Variants in KIRREL1 observed in about 807,000 individuals in gnomAD.
KIRREL1 encodes kin of IRRE-like protein 1.
In KIRREL1, 25 loss-of-function variants were observed where a neutral mutation model predicts 83.3. The observed-to-expected ratio is 0.30, with a 90% CI of 0.22 to 0.42. The LOEUF (loss-of-function observed/expected upper bound fraction) is 0.42, where lower values mean the gene tolerates loss of function less well. KIRREL1 is among the 10% of genes least tolerant of loss of function. The pLI is 1.00. For missense variants in KIRREL1, 812 were observed against 1,032.3 expected (o/e 0.79, Z 2.92); for synonymous variants, 388 against 410.4 (o/e 0.95, Z 0.66).
chr1:158,077,472 G>T (rs1661712061), intron 2 of KIRREL1, among the ~76,000 whole-genome samples: 1 of 152,172 alleles, frequency 6.6e-6, no homozygotes, highest in African/African-American at 2.4e-5. Context: ...CACTGCTTCT[G>T]CAGGAAACCA....
chr1:158,086,782 G>T, intron 5 of KIRREL1, 36 bp downstream of exon 5: 1 of 1,476,436 alleles, frequency 6.8e-7, no homozygotes. Flanking sequence ...GGAGCAGGGG[G>T]GTGGAAGAAG....
chr1:158,076,203 C>T lies in KIRREL1; in HGVS notation c.143C>T (p.Ser48Phe). ...AVLPCVLLNY[S>F]GIVQWTKDGL... ...CTCCCCTGTGTGCTGCTCAACTACT[C>T]TGGAATTGTGCAATGGACCAAGGAC... Residue 48 changes from serine to phenylalanine, a missense_variant, in exon 2 of 15, where the codon TCT becomes TTT. Physicochemically the swap from Ser to Phe is radical, Grantham distance 155 (BLOSUM62 -2). This residue lies in a region of KIRREL1 where 472 missense variants were observed against 626.8 expected (regional missense o/e 0.75). Transcript: ENST00000359209. 6.2e-7 allele frequency: 1 copy of T among 1,614,128 alleles called. No homozygotes were observed. The highest frequency in any genetic ancestry group is 2.2e-5 in the East Asian group (1 of 44,868).
chr1:158,055,692 G>A (rs146411644), intron 1 of KIRREL1, among the ~76,000 whole-genome samples: 38 of 152,306 alleles, frequency 2.5e-4, no homozygotes, highest in African/African-American at 7.2e-4. Context: ...CCCTCCCTGC[G>A]TCTCCTTCCG....
intron 1 of KIRREL1, among the ~76,000 whole-genome samples, chr1:157,997,177 C>CA (rs1659229331): frequency 6.6e-6 from 1 of 152,214 alleles, no homozygotes; most frequent in South Asian, 2.1e-4. Context: ...GATTAAATCA[C>CA]AGACTCGCAT....
At chr1:158,012,755 G>A (rs1368652743) in intron 1 of KIRREL1, among the ~76,000 whole-genome samples, 2 of 152,236 alleles carry the variant, frequency 1.3e-5, no homozygotes, top group African/African-American at 4.8e-5. Flanking sequence ...CTTTGTCTCA[G>A]CCTCCCATTA....
chr1:158,037,689 C>A (rs1301681473), intron 1 of KIRREL1, among the ~76,000 whole-genome samples: 1 of 152,150 alleles, frequency 6.6e-6, no homozygotes. Context: ...TAGCTCCCTC[C>A]TCCAGCAAGC....
intron 12 of KIRREL1, 69 bp downstream of exon 12, chr1:158,093,515 G>A: frequency 6.2e-7 from 1 of 1,601,590 alleles, no homozygotes; most frequent in South Asian, 1.1e-5. Context: ...GGCAGTGCTT[G>A]GGGTGGATGG....
chr1:158,090,970 A>G (rs1662179927), intron 10 of KIRREL1, among the ~76,000 whole-genome samples: 1 of 152,198 alleles, frequency 6.6e-6, no homozygotes, highest in African/African-American at 2.4e-5. Flanking sequence ...TTTCTACAAC[A>G]TCTGGGAGGA....
At chr1:158,074,968 G>A (rs1457570450) in intron 1 of KIRREL1, among the ~76,000 whole-genome samples, 2 of 152,148 alleles carry the variant, frequency 1.3e-5, no homozygotes, top group Non-Finnish European at 2.9e-5. Context: ...GGGGAGAGCC[G>A]ATTTCAGTTA....
intron 1 of KIRREL1, among the ~76,000 whole-genome samples, chr1:158,001,590 G>A (rs1659362226): frequency 6.6e-6 from 1 of 152,150 alleles, no homozygotes; most frequent in South Asian, 2.1e-4. Context: ...CTTTGCTGTG[G>A]GCTGAAGTGA....
At chr1:158,049,979 T>C (rs758702166) in intron 1 of KIRREL1, among the ~76,000 whole-genome samples, 9 of 152,102 alleles carry the variant, frequency 5.9e-5, no homozygotes, top group Non-Finnish European at 1.2e-4. Context: ...ACTGAGCTGG[T>C]CTTCAAGTGA....
At chr1:157,996,316 C>G (rs1427055139) in intron 1 of KIRREL1, among the ~76,000 whole-genome samples, 1 of 151,988 alleles carries the variant, frequency 6.6e-6, no homozygotes, top group Non-Finnish European at 1.5e-5. Flanking sequence ...CTGATTGCGC[C>G]GAAAATTGAA....
intron 1 of KIRREL1, among the ~76,000 whole-genome samples, chr1:158,012,632 G>C (rs1659719167): frequency 6.6e-6 from 1 of 152,172 alleles, no homozygotes; most frequent in Admixed American, 6.5e-5. Context: ...GTGTGACCTT[G>C]TGCAAGTCTG....
intron 1 of KIRREL1, among the ~76,000 whole-genome samples, chr1:158,060,793 G>A (rs1661195760): frequency 6.6e-6 from 1 of 152,134 alleles, no homozygotes; most frequent in Non-Finnish European, 1.5e-5. Flanking sequence ...CTTGAAGCAG[G>A]GAAGTGTCCT....
intron 3 of KIRREL1, among the ~76,000 whole-genome samples, chr1:158,081,829 C>G (rs1661868116): frequency 6.6e-6 from 1 of 152,104 alleles, no homozygotes; most frequent in South Asian, 2.1e-4. Flanking sequence ...TTTGCATGAA[C>G]AAAGGGGCAG....
chr1:158,029,366 T>TGTGTGTGTGTGTGTGTGCGCGC (rs1553238087), intron 1 of KIRREL1, among the ~76,000 whole-genome samples: 3 of 148,928 alleles, frequency 2.0e-5, no homozygotes, highest in African/African-American at 7.5e-5. Flanking sequence ...TGTGTGTGTG[T>TGTGTGTGTGTGTGTGTGCGCGC]GCACGTGCGC....
chr1:158,000,064 G>A (rs939239196), intron 1 of KIRREL1, among the ~76,000 whole-genome samples: 1 of 111,140 alleles, frequency 9.0e-6, no homozygotes, highest in African/African-American at 2.7e-5. Context: ...CAGGAAAGAT[G>A]GGGTGGGGGC....
At position 158,096,268 on chromosome 1, in the gene KIRREL1, G is replaced by A. The variant is rs1662353001; in HGVS notation, c.*1148G>A. On this transcript the variant is annotated 3_prime_UTR_variant, in exon 15 of 15. Transcript: ENST00000359209. ...ACACAGTGGACTCTGATAGGGTTAC[G>A]GAGGGGGCCTGGCTCTCAGTCTCTA... 5 of 293,548 alleles carry A rather than the reference G, an allele frequency of 1.7e-5. No homozygotes were observed. Among genetic ancestry groups the A allele is most frequent in the Non-Finnish European group, 3.3e-5 (5 of 150,664 alleles). The allele number at this position is 293,548 out of a possible 1,614,324, so 18.2% of individuals were successfully genotyped here.
intron 1 of KIRREL1, among the ~76,000 whole-genome samples, chr1:158,059,555 G>A (rs186683704): frequency 2.6e-5 from 4 of 152,244 alleles, no homozygotes; most frequent in Non-Finnish European, 5.9e-5. Flanking sequence ...TCTCTCCAGA[G>A]GTGGGGGCAG....
Sources: gnomAD v4.1 joint callset for allele counts (sites outside exome capture counted in the v4.1 genomes callset) on GRCh38, gnomAD v4.1.1 for gene constraint, gnomAD v4.1.1 regional missense constraint, MANE v1.5 for transcripts, NCBI Gene and HGNC (gene_info 2026-07-23, HGNC 2026-07-21) for gene names.